Variants in PLPP3 observed in about 807,000 individuals in gnomAD.
PLPP3 encodes PAP2 beta.
In PLPP3, 6 loss-of-function variants were observed where a neutral mutation model predicts 29.6. That is an observed-to-expected ratio of 0.20 (90% CI 0.11 to 0.40). The LOEUF (loss-of-function observed/expected upper bound fraction) is 0.40. Ranked by LOEUF, PLPP3 falls within the 10% of genes least tolerant of loss-of-function variation. The pLI is 1.00. For missense variants in PLPP3, 308 were observed against 407.7 expected, an observed-to-expected ratio of 0.76 and a Z score of 2.11; for synonymous variants, 152 against 159.7, an observed-to-expected ratio of 0.95 and a Z score of 0.36.
chr1:56,500,066 G>A (rs1021980962), intron 5 of PLPP3, among the ~76,000 whole-genome samples: 2 of 152,226 alleles, frequency 1.3e-5, no homozygotes, highest in African/African-American at 4.8e-5. Context: ...AAGTTACGAT[G>A]CGCAGAACAT....
At chr1:56,544,787 C>G (rs775245810) in intron 1 of PLPP3, among the ~76,000 whole-genome samples, 8 of 152,292 alleles carry the variant, frequency 5.3e-5, no homozygotes, top group Non-Finnish European at 1.0e-4. Flanking sequence ...CTACGAAACT[C>G]TTGAAAGTGG....
intron 1 of PLPP3, chr1:56,538,398 CA>C: frequency 2.0e-5 from 7 of 348,238 alleles, no homozygotes; most frequent in Non-Finnish European, 3.4e-5. Context: ...GGAAGACCAC[CA>C]AAAACACAGT....
chr1:56,556,722 G>T (rs996566284), intron 1 of PLPP3, among the ~76,000 whole-genome samples: 1 of 151,580 alleles, frequency 6.6e-6, no homozygotes, highest in Non-Finnish European at 1.5e-5. Flanking sequence ...GGTTCAGGGA[G>T]GGACAGTATA....
At chr1:56,519,989 G>A (rs1444150204) in intron 4 of PLPP3, among the ~76,000 whole-genome samples, 2 of 152,126 alleles carry the variant, frequency 1.3e-5, no homozygotes, top group Non-Finnish European at 2.9e-5. Flanking sequence ...CTCTGAACTC[G>A]ATGGTAATGT....
intron 1 of PLPP3, among the ~76,000 whole-genome samples, chr1:56,557,032 GAGAGAGAGAGAGAGAGAGAGA>G (rs1646086338): frequency 5.4e-4 from 6 of 11,092 alleles, no homozygotes; most frequent in Admixed American, 1.3e-3. Context: ...GAGAAAGAGA[GAGAGAGAGAGAGAGAGAGAGA>G]GAGAGAAAGA....
intron 1 of PLPP3, among the ~76,000 whole-genome samples, chr1:56,544,424 C>T (rs1256267312): frequency 2.0e-5 from 3 of 152,280 alleles, no homozygotes; most frequent in Non-Finnish European, 4.4e-5. Flanking sequence ...CCTTCCATCC[C>T]AGGTAAAGCT....
At chr1:56,541,117 G>C (rs1645966073) in intron 1 of PLPP3, among the ~76,000 whole-genome samples, 1 of 152,080 alleles carries the variant, frequency 6.6e-6, no homozygotes, top group Admixed American at 6.5e-5. Context: ...AGTACACCAA[G>C]GACACAAAGA....
intron 1 of PLPP3, among the ~76,000 whole-genome samples, chr1:56,557,014 GA>G (rs1557513547): frequency 1.5e-3 from 19 of 12,936 alleles, no homozygotes; most frequent in Admixed American, 5.3e-3. Flanking sequence ...AAGAAAGAGA[GA>G]GAGAGAGAGA....
rs571767490 is a variant in PLPP3, at chr1:56,578,077, A to C, written c.139+801T>G. Among the ~76,000 whole-genome samples, 3 of 152,126 alleles carry C rather than the reference A, an allele frequency of 2.0e-5. No homozygotes were observed. The South Asian group carries it at 6.2e-4, about 32-fold the overall frequency. The stretch of plus-strand genomic sequence containing the variant: ...CACCGCTCTTCCAGCTGTGGCTTCC[A>C]ACGACTTTGGAAAACAGAAGTGGAC... On this transcript the variant is annotated intron_variant, in intron 1 of 5. Coordinates refer to ENST00000371250, the MANE Select transcript of PLPP3 (RefSeq NM_003713.5).
chr1:56,537,188 G>T, intron 1 of PLPP3, 76 bp from the exon 2 acceptor site: 1 of 1,459,054 alleles, frequency 6.9e-7, no homozygotes, highest in Non-Finnish European at 9.4e-7. Context: ...GTGCCAAAGA[G>T]GAACTTCAAG....
Position 56,571,973 on chromosome 1 carries a change from C to T in PLPP3, c.139+6905G>A, listed in dbSNP as rs545348760. On this transcript the variant is annotated intron_variant, in intron 1 of 5. Coordinates refer to ENST00000371250, the MANE Select transcript of PLPP3 (RefSeq NM_003713.5). ...ATAAATATGGTAGCCTAGCTCAGTA[C>T]CTTCCTTCCTCAGCAAATACAGAGG... Among the ~76,000 whole-genome samples the T allele has an allele frequency of 6.6e-5, 10 of 150,532 alleles. 1 individual carries two copies. In the South Asian group the frequency reaches 2.1e-3, roughly 32 times the overall value.
intron 2 of PLPP3, among the ~76,000 whole-genome samples, chr1:56,529,657 C>T (rs1645874085): frequency 2.0e-5 from 3 of 152,276 alleles, no homozygotes; most frequent in African/African-American, 7.2e-5. Flanking sequence ...ACTGACTGCT[C>T]CATCTACTGC....
intron 4 of PLPP3, among the ~76,000 whole-genome samples, chr1:56,521,234 CAAAA>C (rs765448174): frequency 1.8e-5 from 1 of 54,776 alleles, no homozygotes; most frequent in Non-Finnish European, 3.8e-5. Flanking sequence ...GACTCTGTCT[CAAAA>C]AAAAAAAAAA....
chr1:56,524,306 T>C lies in PLPP3; in HGVS notation c.546A>G (p.Arg182=), dbSNP rs749068177. 1.2e-6 allele frequency: 2 copies of C among 1,613,950 alleles called. No homozygotes were observed. The part of the protein sequence containing the change: ...SEGYIQNYRC[R]GDDSKVQEAR... ...CTTCCTGGACTTTGCTGTCATCACC[T>C]CTGCATCTGTAGTTCTGAATGTAGC... Residue 182 remains arginine (R), a synonymous_variant, in exon 3 of 6, where the codon AGA becomes AGG. Coordinates refer to ENST00000371250, the MANE Select transcript of PLPP3 (RefSeq NM_003713.5). This position sits in a 1 kb window ranked among gnomAD's most constrained non-coding sequence, Gnocchi z 4.3.
intron 1 of PLPP3, among the ~76,000 whole-genome samples, chr1:56,575,493 C>G (rs988288413): frequency 2.0e-5 from 3 of 152,172 alleles, no homozygotes; most frequent in African/African-American, 7.2e-5. Flanking sequence ...TTCCGTATTA[C>G]TGACTGGAAG....
chr1:56,573,643 A>T (rs1291956330), intron 1 of PLPP3, among the ~76,000 whole-genome samples: 1 of 152,240 alleles, frequency 6.6e-6, no homozygotes, highest in African/African-American at 2.4e-5. Context: ...CATACCAGAT[A>T]GGCCCCATGT....
chr1:56,525,949 C>T (rs1645850096), intron 2 of PLPP3, among the ~76,000 whole-genome samples: 1 of 152,132 alleles, frequency 6.6e-6, no homozygotes, highest in African/African-American at 2.4e-5. Context: ...AAGGAAACAC[C>T]AGCTGGGCCC....
rs1199887792 is a variant in PLPP3 at position 56,560,668 on chromosome 1, T to C, written c.139+18210A>G. On this transcript the variant is annotated intron_variant, in intron 1 of 5. Transcript: ENST00000371250. Reference sequence around the variant, plus strand: ...AATTACCTCTTAAAGCCCCCCCACCTTCCATCACCTTGGTGATTAGGTTTC... The same window carrying C: ...AATTACCTCTTAAAGCCCCCCCACCCTCCATCACCTTGGTGATTAGGTTTC... Among the ~76,000 whole-genome samples, 5 of 152,134 alleles carry C rather than the reference T, an allele frequency of 3.3e-5. No individual in the cohort carries two copies. The East Asian group carries it at 9.6e-4, about 29-fold the overall frequency.
intron 5 of PLPP3, among the ~76,000 whole-genome samples, chr1:56,509,450 C>T (rs767725115): frequency 1.1e-4 from 16 of 152,158 alleles, no homozygotes; most frequent in Non-Finnish European, 1.6e-4. Flanking sequence ...GTGCAGCTGT[C>T]TATTAGCTCT....
Sources: allele counts gnomAD v4.1 joint callset (sites outside exome capture counted in the v4.1 genomes callset), GRCh38; gene constraint gnomAD v4.1.1; non-coding constraint Gnocchi (gnomAD v3.1); transcripts MANE v1.5; gene names NCBI Gene and HGNC (gene_info 2026-07-23, HGNC 2026-07-21).